KHDC1: variants seen among roughly 807,000 people sequenced by gnomAD.
KHDC1 encodes KH homology domain-containing protein 1.
KHDC1 carries 21 observed loss-of-function variants against 24.7 expected under a neutral mutation model. The ratio of observed to expected loss-of-function variants is 0.85; its 90% CI spans 0.60 to 1.23. The LOEUF is 1.23. Among genes scored for constraint, KHDC1 ranks in the 50% most tolerant of loss-of-function variants. KHDC1 has a pLI of 0.00. For synonymous variants in KHDC1, 98 were observed against 111.7 expected, an observed-to-expected ratio of 0.88 and a Z score of 0.77; for missense variants, 274 against 298.5, an observed-to-expected ratio of 0.92 and a Z score of 0.61.
intron 1 of KHDC1, among the ~76,000 whole-genome samples, chr6:73,306,223 T>C (rs1411963563): frequency 1.3e-5 from 2 of 152,006 alleles, no homozygotes; most frequent in African/African-American, 4.8e-5. Flanking sequence ...ACTGCTCCCC[T>C]CCACCAGAGC....
chr6:73,277,830 T>C (rs1457633879), intron 2 of KHDC1, among the ~76,000 whole-genome samples: 1 of 150,894 alleles, frequency 6.6e-6, no homozygotes, highest in Non-Finnish European at 1.5e-5. Flanking sequence ...CACCAGCCAC[T>C]GTGCTATAGT....
chr6:73,242,883 G>T, intron 2 of KHDC1, among the ~76,000 whole-genome samples: 1 of 152,120 alleles, frequency 6.6e-6, no homozygotes, highest in Non-Finnish European at 1.5e-5. Flanking sequence ...GCTCCAAATG[G>T]GCTCCCTAGA....
At chr6:73,274,785 T>TTTATTTTATTTG (rs1767249319) in intron 2 of KHDC1, 1 of 152,166 alleles carries the variant, frequency 6.6e-6, no homozygotes, top group Non-Finnish European at 1.5e-5. Context: ...GATAATTTTA[T>TTTATTTTATTTG]AACATTTATT....
chr6:73,297,268 AT>A (rs1442555626), intron 1 of KHDC1, among the ~76,000 whole-genome samples: 1 of 152,074 alleles, frequency 6.6e-6, no homozygotes, highest in Admixed American at 6.6e-5. Flanking sequence ...TCTTCATTTA[AT>A]AATGTATCTT....
At chr6:73,256,446 A>G (rs1279699156) in intron 2 of KHDC1, among the ~76,000 whole-genome samples, 1 of 152,224 alleles carries the variant, frequency 6.6e-6, no homozygotes, top group African/African-American at 2.4e-5. Context: ...CATTTGCTTT[A>G]TAGACTCGCT....
upstream of KHDC1, chr6:73,310,346 T>C (rs1768058100): frequency 6.6e-6 from 1 of 152,560 alleles, no homozygotes; most frequent in Admixed American, 6.5e-5. Flanking sequence ...GCCATTTGGT[T>C]GCCCTCCCTG....
chr6:73,307,005 G>A (rs1767978381), intron 1 of KHDC1, among the ~76,000 whole-genome samples: 1 of 151,304 alleles, frequency 6.6e-6, no homozygotes, highest in African/African-American at 2.4e-5. Context: ...CAGGAAGAAA[G>A]AGAGAAAATA....
intron 1 of KHDC1, among the ~76,000 whole-genome samples, chr6:73,303,937 G>A (rs909303435): frequency 1.8e-4 from 27 of 152,174 alleles, no homozygotes; most frequent in Admixed American, 3.3e-4. Context: ...CTAAAACTTT[G>A]GGAGGCCAAG....
intron 2 of KHDC1, among the ~76,000 whole-genome samples, chr6:73,248,862 A>C (rs1766723765): frequency 6.6e-6 from 1 of 152,076 alleles, no homozygotes; most frequent in African/African-American, 2.4e-5. Context: ...TCTGAACTTC[A>C]AGGGATTTTT....
At chr6:73,306,023 G>A (rs1272641396) in intron 1 of KHDC1, among the ~76,000 whole-genome samples, 1 of 152,136 alleles carries the variant, frequency 6.6e-6, no homozygotes, top group African/African-American at 2.4e-5. Flanking sequence ...TATTAGTTAT[G>A]AAAGCAGGTA....
intron 2 of KHDC1, among the ~76,000 whole-genome samples, chr6:73,271,442 C>T (rs189709818): frequency 6.6e-6 from 1 of 151,122 alleles, no homozygotes; most frequent in Non-Finnish European, 1.5e-5. Flanking sequence ...CTCCTGACCT[C>T]GTGATCCACC....
intron 2 of KHDC1, chr6:73,290,902 C>G: frequency 2.8e-6 from 1 of 362,364 alleles, no homozygotes; most frequent in Non-Finnish European, 5.4e-6. Flanking sequence ...CATGCAACAA[C>G]AAGGAAGCTC....
intron 1 of KHDC1, among the ~76,000 whole-genome samples, chr6:73,295,811 A>G (rs1174836645): frequency 6.8e-6 from 1 of 146,610 alleles, no homozygotes; most frequent in East Asian, 2.0e-4. Flanking sequence ...ATGCCACTGC[A>G]CTCCAGCCTG....
intron 1 of KHDC1, chr6:73,300,974 T>C (rs1767864385): frequency 6.6e-6 from 1 of 152,058 alleles, no homozygotes; most frequent in Admixed American, 6.5e-5. Flanking sequence ...CCCAGCACTT[T>C]GGGAGGCCGA....
At chr6:73,300,299 T>A (rs909392462) in intron 1 of KHDC1, 1 of 152,274 alleles carries the variant, frequency 6.6e-6, no homozygotes, top group Non-Finnish European at 1.5e-5. Context: ...TCACTTTTCC[T>A]TCGTAGCTTT....
At chr6:73,309,584 A>G (rs1380980355) in exon 1 of KHDC1, 5 of 1,543,554 alleles carry the variant, frequency 3.2e-6, no homozygotes, top group Non-Finnish European at 4.4e-6. Flanking sequence ...GTGGAAAGAC[A>G]CTGTCCCGAT....
intron 2 of KHDC1, among the ~76,000 whole-genome samples, chr6:73,254,341 A>G (rs529868802): frequency 1.3e-4 from 19 of 151,936 alleles, no homozygotes; most frequent in Non-Finnish European, 2.1e-4. Context: ...CGTGCCTGTT[A>G]TCCCTGCTCC....
intron 2 of KHDC1, among the ~76,000 whole-genome samples, chr6:73,289,274 C>T (rs1767581398): frequency 8.1e-6 from 1 of 122,768 alleles, no homozygotes; most frequent in African/African-American, 3.1e-5. Flanking sequence ...GCGGTAGTTG[C>T]AGTAAGCGAA....
chr6:73,262,949 A>AG (rs1423336619), intron 2 of KHDC1: 28 of 991,086 alleles, frequency 2.8e-5, no homozygotes, highest in Admixed American at 2.4e-4. Context: ...TCGAGACCAC[A>AG]GGGGGGTCAG....
Sources: allele counts gnomAD v4.1 joint callset (sites outside exome capture counted in the v4.1 genomes callset), GRCh38; gene constraint gnomAD v4.1.1; transcripts MANE v1.5; gene names NCBI Gene and HGNC (gene_info 2026-07-23, HGNC 2026-07-21).